The following TMEM132D variants were observed in gnomAD, a reference collection of about 807,000 sequenced individuals.
The protein encoded by TMEM132D is mature OL transmembrane protein.
TMEM132D carries 21 observed loss-of-function variants against 62.3 expected under a neutral mutation model. That is an observed-to-expected ratio of 0.34 (90% CI 0.24 to 0.49). The LOEUF is 0.49. Among genes scored for constraint, TMEM132D ranks in the 20% least tolerant of loss-of-function variants. The pLI, the probability that TMEM132D is intolerant of heterozygous loss-of-function variation, is 0.99. For missense variants in TMEM132D, 1,346 were observed against 1,402.8 expected (o/e 0.96, Z 0.65); for synonymous variants, 621 against 575.6 (o/e 1.08, Z -1.13).
chr12:129,128,185 T>A (rs1876270650), intron 5 of TMEM132D, among the ~76,000 whole-genome samples: 1 of 152,220 alleles, frequency 6.6e-6, no homozygotes, highest in African/African-American at 2.4e-5. Flanking sequence ...TAGTGAATGG[T>A]CACTGCCCAT....
intron 1 of TMEM132D, among the ~76,000 whole-genome samples, chr12:129,802,865 C>CA (rs1393626508): frequency 6.6e-6 from 1 of 150,862 alleles, no homozygotes. Context: ...AAATGGAAAA[C>CA]AAAAAAAGGC....
chr12:129,598,900 A>C (rs978701998), intron 2 of TMEM132D, among the ~76,000 whole-genome samples: 1 of 152,188 alleles, frequency 6.6e-6, no homozygotes, highest in Non-Finnish European at 1.5e-5. Flanking sequence ...CCTTTGATTA[A>C]GGCCTGGCTG....
intron 5 of TMEM132D, among the ~76,000 whole-genome samples, chr12:129,136,753 C>CAT (rs1876574392): frequency 8.0e-6 from 1 of 125,140 alleles, no homozygotes; most frequent in African/African-American, 2.9e-5. Context: ...ATCACCACCT[C>CAT]CACCATCATC....
At chr12:129,616,374 T>C (rs1878918088) in intron 2 of TMEM132D, among the ~76,000 whole-genome samples, 1 of 152,120 alleles carries the variant, frequency 6.6e-6, no homozygotes, top group South Asian at 2.1e-4. Context: ...TGAGGGGTCT[T>C]TGGCCTTCTT....
rs116096927 is a variant in TMEM132D, at chr12:129,726,255, G to A, written c.80-25557C>T. Among the ~76,000 whole-genome samples the A allele has an allele frequency of 9.1e-3, 1,380 of 152,210 alleles. 24 individuals carry two copies. Among genetic ancestry groups the A allele is most frequent in the African/African-American group, 0.031 (1,303 of 41,516 alleles). Reference sequence around the variant, plus strand: ...TGTAATAAATCACAGCCATGAGTACGGCCCCAGGAGTCCTTCCAATGAATC... The same window carrying A: ...TGTAATAAATCACAGCCATGAGTACAGCCCCAGGAGTCCTTCCAATGAATC... On this transcript the variant is annotated intron_variant, in intron 1 of 8. Transcript: ENST00000422113.
chr12:129,088,783 G>A (rs1454885065), intron 5 of TMEM132D, among the ~76,000 whole-genome samples: 13 of 52,582 alleles, frequency 2.5e-4, no homozygotes, highest in African/African-American at 6.1e-4. Context: ...CATGACCGGG[G>A]TGTCCTCCAT....
chr12:129,852,743 T>C (rs1394014508), intron 1 of TMEM132D: 1 of 152,178 alleles, frequency 6.6e-6, no homozygotes, highest in East Asian at 1.9e-4. Flanking sequence ...CAAGGTTTCA[T>C]TCATGACCCT....
At chr12:129,787,589 T>C (rs1871279381) in intron 1 of TMEM132D, among the ~76,000 whole-genome samples, 1 of 152,216 alleles carries the variant, frequency 6.6e-6, no homozygotes, top group Non-Finnish European at 1.5e-5. Context: ...GTCCTATCCA[T>C]TTCAAGAAGG....
At chr12:129,315,157 C>G (rs1301108444) in intron 4 of TMEM132D, among the ~76,000 whole-genome samples, 3 of 152,106 alleles carry the variant, frequency 2.0e-5, no homozygotes, top group African/African-American at 7.2e-5. Context: ...TCTGATTGCT[C>G]TGGCCAGGAT....
intron 4 of TMEM132D, among the ~76,000 whole-genome samples, chr12:129,266,147 G>A (rs1404242354): frequency 6.6e-6 from 1 of 152,136 alleles, no homozygotes; most frequent in Non-Finnish European, 1.5e-5. Context: ...GGTCATTTCA[G>A]TACTCGTATC....
At chr12:129,166,683 A>ATATATACC (rs1491553200) in intron 5 of TMEM132D, among the ~76,000 whole-genome samples, 1 of 74,754 alleles carries the variant, frequency 1.3e-5, no homozygotes, top group African/African-American at 4.2e-5. Flanking sequence ...ACATATATAT[A>ATATATACC]CACATACACA....
At chr12:129,083,280 C>T (rs1874511767) in intron 6 of TMEM132D, among the ~76,000 whole-genome samples, 1 of 152,176 alleles carries the variant, frequency 6.6e-6, no homozygotes, top group Non-Finnish European at 1.5e-5. Flanking sequence ...CATCTGGTCC[C>T]TTCTGTGCAG....
intron 3 of TMEM132D, among the ~76,000 whole-genome samples, chr12:129,418,664 A>T (rs1022585373): frequency 6.6e-6 from 1 of 152,146 alleles, no homozygotes; most frequent in South Asian, 2.1e-4. Flanking sequence ...CCACCATGGC[A>T]CATGTATACC....
At chr12:129,315,485 C>T (rs987356147) in intron 4 of TMEM132D, among the ~76,000 whole-genome samples, 2 of 152,184 alleles carry the variant, frequency 1.3e-5, no homozygotes, top group South Asian at 4.2e-4. Flanking sequence ...TGCATCCTTG[C>T]TATGAAACCC....
At chr12:129,841,124 T>C (rs1240756520) in intron 1 of TMEM132D, among the ~76,000 whole-genome samples, 10 of 152,156 alleles carry the variant, frequency 6.6e-5, no homozygotes, top group Admixed American at 6.5e-4. Flanking sequence ...ACATATTAAA[T>C]ACTATATCTG....
At chr12:129,513,849 T>TTTAC (rs1336434054) in intron 3 of TMEM132D, among the ~76,000 whole-genome samples, 4 of 142,122 alleles carry the variant, frequency 2.8e-5, no homozygotes, top group Non-Finnish European at 4.6e-5. Context: ...TATTTATTTA[T>TTTAC]TTTTTTGAGA....
chr12:129,091,442 G>C (rs1317109992), intron 5 of TMEM132D, among the ~76,000 whole-genome samples: 1 of 148,498 alleles, frequency 6.7e-6, no homozygotes, highest in Non-Finnish European at 1.5e-5. Flanking sequence ...CCTCTCCTGG[G>C]CTCTGGGGAC....
intron 2 of TMEM132D, among the ~76,000 whole-genome samples, chr12:129,554,726 C>G (rs1877005415): frequency 6.6e-6 from 1 of 152,136 alleles, no homozygotes; most frequent in Non-Finnish European, 1.5e-5. Flanking sequence ...ACCTGGAGAC[C>G]TGCTTTCATG....
intron 4 of TMEM132D, among the ~76,000 whole-genome samples, chr12:129,336,686 C>T (rs560170481): frequency 1.1e-4 from 16 of 152,128 alleles, no homozygotes; most frequent in Middle Eastern, 3.4e-3. Flanking sequence ...ACTGAGGACT[C>T]GTATAGGCCA....
Sources: gnomAD v4.1 joint callset for allele counts (sites outside exome capture counted in the v4.1 genomes callset) on GRCh38, gnomAD v4.1.1 for gene constraint, MANE v1.5 for transcripts, NCBI Gene and HGNC (gene_info 2026-07-23, HGNC 2026-07-21) for gene names.